Variants in GALNT2 observed in about 807,000 individuals in gnomAD.
The protein encoded by GALNT2 is polypeptide N-acetylgalactosaminyltransferase 2.
Under a neutral mutation model 81.4 loss-of-function variants are expected in GALNT2, and 31 were observed. The observed-to-expected ratio is 0.38, with a 90% confidence interval of 0.29 to 0.51. The LOEUF is 0.51. Ranked by LOEUF, GALNT2 falls within the 20% of genes least tolerant of loss-of-function variation. GALNT2 has a pLI of 0.87. For missense variants in GALNT2, 629 were observed against 765.7 expected (o/e 0.82, Z 2.11); for synonymous variants, 303 against 287.4 (o/e 1.05, Z -0.55).
At chr1:230,081,198 G>A (rs1659716878) in intron 1 of GALNT2, among the ~76,000 whole-genome samples, 1 of 152,148 alleles carries the variant, frequency 6.6e-6, no homozygotes, top group Non-Finnish European at 1.5e-5. Flanking sequence ...TTCCTTGGGT[G>A]GGGAATCTGA....
At chr1:230,135,540 G>C (rs1294913374) in intron 1 of GALNT2, among the ~76,000 whole-genome samples, 1 of 152,186 alleles carries the variant, frequency 6.6e-6, no homozygotes, top group African/African-American at 2.4e-5. Context: ...ATCACACGGC[G>C]GGGAGGTGGA....
At chr1:230,071,728 A>G (rs1555291) in intron 1 of GALNT2, among the ~76,000 whole-genome samples, 42,648 of 151,910 alleles carry the variant, frequency 0.28, 11,290 homozygotes, top group African/African-American at 0.7. Flanking sequence ...GAGAGTTTGA[A>G]GTTGACACAG....
intron 3 of GALNT2, 82 bp downstream of exon 3, chr1:230,203,372 ACTT>A: frequency 2.1e-6 from 3 of 1,462,424 alleles, no homozygotes; most frequent in Non-Finnish European, 1.9e-6. Flanking sequence ...TGACACTAGA[ACTT>A]CTCCATTACT....
At chr1:230,076,665 C>T (rs1410765501) in intron 1 of GALNT2, among the ~76,000 whole-genome samples, 3 of 152,062 alleles carry the variant, frequency 2.0e-5, no homozygotes, top group African/African-American at 7.2e-5. Flanking sequence ...GGTCCTGGTT[C>T]TCAAGGTGAG....
At chr1:230,104,342 G>A (rs1014547249) in intron 1 of GALNT2, among the ~76,000 whole-genome samples, 1 of 152,174 alleles carries the variant, frequency 6.6e-6, no homozygotes, top group African/African-American at 2.4e-5. Flanking sequence ...AGAAGGCTAG[G>A]GAATCCCTTT....
chr1:230,153,576 C>T (rs1298631558), intron 1 of GALNT2, among the ~76,000 whole-genome samples: 2 of 152,226 alleles, frequency 1.3e-5, no homozygotes, highest in East Asian at 1.9e-4. Flanking sequence ...GGAATTAATT[C>T]ATCGAGAACA....
chr1:230,258,739 G>A (rs936143365), intron 11 of GALNT2: 2 of 152,062 alleles, frequency 1.3e-5, no homozygotes, highest in African/African-American at 2.4e-5. Flanking sequence ...ATGTGATCTT[G>A]TACAATAAGC....
chr1:230,100,702 G>A (rs1296166808), intron 1 of GALNT2, among the ~76,000 whole-genome samples: 3 of 152,092 alleles, frequency 2.0e-5, no homozygotes, highest in Non-Finnish European at 2.9e-5. Context: ...ACAGGGAACC[G>A]AATAACTTGC....
rs915830131 is a variant in GALNT2, at chr1:230,280,031, T to G, written c.*573T>G. 4.4e-6 allele frequency: 2 copies of G among 455,900 alleles called. No homozygotes were observed. Among genetic ancestry groups the G allele is most frequent in the African/African-American group, 4.0e-5 (2 of 50,082 alleles). The allele number at this position is 455,900 out of a possible 1,614,324, so 28.2% of individuals were successfully genotyped here. ...CCTCATGTACTTGCTATATTGAGGATGAAGTTTTCTATGGTGGGACACTAA... is the reference window on the plus strand; with the variant it reads ...CCTCATGTACTTGCTATATTGAGGAGGAAGTTTTCTATGGTGGGACACTAA... On this transcript the variant is annotated 3_prime_UTR_variant, in exon 16 of 16. Transcript: ENST00000366672.
At chr1:230,270,025 C>A (rs897356126) in intron 14 of GALNT2, among the ~76,000 whole-genome samples, 1 of 152,078 alleles carries the variant, frequency 6.6e-6, no homozygotes, top group Non-Finnish European at 1.5e-5. Flanking sequence ...CATGGTGAAA[C>A]CCCGTCTCTA....
intron 3 of GALNT2, among the ~76,000 whole-genome samples, chr1:230,232,129 A>G (rs76177557): frequency 0.044 from 6,744 of 152,242 alleles, 195 homozygotes; most frequent in Non-Finnish European, 0.065. Flanking sequence ...TTTTAAAGAC[A>G]TGTTTCAAGC....
chr1:230,174,254 C>T (rs560710211), intron 1 of GALNT2, among the ~76,000 whole-genome samples: 3 of 152,312 alleles, frequency 2.0e-5, no homozygotes, highest in East Asian at 3.9e-4. Flanking sequence ...CTGCTCCCCA[C>T]GTGTCATGCG....
chr1:230,127,865 A>G (rs1414147285), intron 1 of GALNT2, among the ~76,000 whole-genome samples: 1 of 152,134 alleles, frequency 6.6e-6, no homozygotes, highest in Non-Finnish European at 1.5e-5. Context: ...CTGACGTGGC[A>G]TGTAAGATGG....
chr1:230,208,661 G>A lies in GALNT2; in HGVS notation c.374+5371G>A, dbSNP rs190081358. Among the ~76,000 whole-genome samples the A allele has an allele frequency of 2.0e-5, 3 of 152,366 alleles. No individual in the cohort carries two copies. In the East Asian group the frequency reaches 5.8e-4, roughly 29 times the overall value. ...CATTGAGATCTTTAGCTGTGAATCT[G>A]GAGCCAACGGCTGACACTTGAGGAC... On this transcript the variant is annotated intron_variant, in intron 3 of 15. Transcript: ENST00000366672.
At chr1:230,100,295 G>C (rs1660363164) in intron 1 of GALNT2, among the ~76,000 whole-genome samples, 2 of 148,860 alleles carry the variant, frequency 1.3e-5, no homozygotes, top group Admixed American at 1.3e-4. Flanking sequence ...GGATGCCCAG[G>C]GTATCTTTTT....
At chr1:230,093,686 A>G (rs1275083979) in intron 1 of GALNT2, among the ~76,000 whole-genome samples, 1 of 152,240 alleles carries the variant, frequency 6.6e-6, no homozygotes, top group Non-Finnish European at 1.5e-5. Flanking sequence ...CGAATACCCA[A>G]TGGTGGTCTC....
At chr1:230,213,722 C>T (rs981643139) in intron 3 of GALNT2, among the ~76,000 whole-genome samples, 1 of 152,188 alleles carries the variant, frequency 6.6e-6, no homozygotes, top group Non-Finnish European at 1.5e-5. Flanking sequence ...CTTGCATCCT[C>T]CTACGTTTTT....
intron 1 of GALNT2, among the ~76,000 whole-genome samples, chr1:230,123,751 A>G (rs375999469): frequency 1.3e-5 from 2 of 152,184 alleles, no homozygotes; most frequent in African/African-American, 4.8e-5. Context: ...TTCTTCTCCT[A>G]TATGATGGGT....
At chr1:230,209,867 A>G (rs1308511800) in intron 3 of GALNT2, among the ~76,000 whole-genome samples, 1 of 151,890 alleles carries the variant, frequency 6.6e-6, no homozygotes, top group Admixed American at 6.6e-5. Flanking sequence ...CGTCTGTGGT[A>G]TTGTCAGCCC....
Sources: allele counts gnomAD v4.1 joint callset (sites outside exome capture counted in the v4.1 genomes callset), GRCh38; gene constraint gnomAD v4.1.1; transcripts MANE v1.5; gene names NCBI Gene and HGNC (gene_info 2026-07-23, HGNC 2026-07-21).